The following RAD51B variants were observed in gnomAD, a reference collection of about 807,000 sequenced individuals.
RAD51B encodes DNA repair protein RAD51 homolog 2.
In RAD51B, 38 loss-of-function variants were observed where a neutral mutation model predicts 42.2. The observed-to-expected ratio is 0.90, with a 90% CI of 0.70 to 1.18. RAD51B has a LOEUF of 1.18. Ranked by LOEUF, RAD51B falls within the 50% of genes most tolerant of loss-of-function variation. The pLI is 0.00. For missense variants in RAD51B, 373 were observed against 400.7 expected (o/e 0.93, Z 0.59); for synonymous variants, 154 against 145.2 (o/e 1.06, Z -0.43).
intron 7 of RAD51B, among the ~76,000 whole-genome samples, chr14:68,206,875 C>T (rs941731698): frequency 4.0e-5 from 6 of 151,670 alleles, no homozygotes; most frequent in African/African-American, 9.7e-5. Flanking sequence ...CTGCAAGCCC[C>T]GCCTCCCGGG....
rs138102491 is a variant in RAD51B, at chr14:68,390,272, G to A, written c.854-21152G>A. ...TGAGTAGTGGAAAAATCTACGCCTC[G>A]AAGTTCTGGTCATTTATTTTAAAAG... On this transcript the variant is annotated intron_variant, in intron 8 of 10. Transcript: ENST00000471583. Among the ~76,000 whole-genome samples the A allele has an allele frequency of 6.9e-4, 105 of 152,278 alleles. 2 individuals are homozygous for A. Among genetic ancestry groups the A allele is most frequent in the East Asian group, 4.8e-3 (25 of 5,188 alleles).
At chr14:67,931,025 A>C (rs1030833935) in intron 7 of RAD51B, among the ~76,000 whole-genome samples, 1 of 151,206 alleles carries the variant, frequency 6.6e-6, no homozygotes, top group Non-Finnish European at 1.5e-5. Context: ...CATTCATGCC[A>C]TTCTCCTGCC....
At chr14:68,206,555 A>C (rs887491102) in intron 7 of RAD51B, among the ~76,000 whole-genome samples, 1 of 152,056 alleles carries the variant, frequency 6.6e-6, no homozygotes, top group Non-Finnish European at 1.5e-5. Context: ...ATCTCTTACC[A>C]GTTTGTACTG....
At chr14:68,370,766 C>T (rs774167544) in intron 8 of RAD51B, among the ~76,000 whole-genome samples, 5 of 152,006 alleles carry the variant, frequency 3.3e-5, no homozygotes, top group Non-Finnish European at 5.9e-5. Flanking sequence ...AAGAATTGGC[C>T]GGGCGCAGTG....
intron 7 of RAD51B, among the ~76,000 whole-genome samples, chr14:68,149,312 C>T (rs1233616899): frequency 6.6e-6 from 1 of 151,974 alleles, no homozygotes; most frequent in Non-Finnish European, 1.5e-5. Flanking sequence ...ATGTTATCGT[C>T]TGGAATTTTT....
At chr14:67,936,008 G>A (rs2140168647) in intron 7 of RAD51B, among the ~76,000 whole-genome samples, 1 of 152,148 alleles carries the variant, frequency 6.6e-6, no homozygotes, top group East Asian at 1.9e-4. Context: ...TTTATTAATA[G>A]ACCTTTTTAG....
intron 7 of RAD51B, among the ~76,000 whole-genome samples, chr14:68,057,592 A>G (rs1185891724): frequency 3.3e-5 from 5 of 152,170 alleles, no homozygotes; most frequent in Non-Finnish European, 5.9e-5. Flanking sequence ...CATTTGAAAG[A>G]TAACAGAATT....
intron 4 of RAD51B, among the ~76,000 whole-genome samples, chr14:67,837,291 G>A (rs901018513): frequency 5.3e-5 from 8 of 152,088 alleles, no homozygotes; most frequent in African/African-American, 1.9e-4. Context: ...GTTTATTACA[G>A]TGTGATCCAC....
intron 7 of RAD51B, among the ~76,000 whole-genome samples, chr14:68,272,125 C>T (rs149439365): frequency 1.5e-3 from 234 of 152,258 alleles, no homozygotes; most frequent in African/African-American, 5.3e-3. Flanking sequence ...TTCTTCACCA[C>T]GTGATCACTG....
intron 7 of RAD51B, among the ~76,000 whole-genome samples, chr14:68,034,603 A>AAC (rs2140378052): frequency 6.6e-6 from 1 of 152,288 alleles, no homozygotes; most frequent in Admixed American, 6.5e-5. Context: ...AAGAATGTTG[A>AAC]AAAGATAGTT....
intron 7 of RAD51B, among the ~76,000 whole-genome samples, chr14:67,921,070 C>G (rs572295381): frequency 1.1e-4 from 17 of 152,262 alleles, no homozygotes; most frequent in African/African-American, 4.1e-4. Flanking sequence ...TCTCCTGGAA[C>G]AGTATTTCTC....
intron 5 of RAD51B, among the ~76,000 whole-genome samples, chr14:67,882,061 C>A (rs2042923962): frequency 6.6e-6 from 1 of 152,166 alleles, no homozygotes; most frequent in Admixed American, 6.5e-5. Flanking sequence ...CAGCTTTGAC[C>A]CCTCAGACTC....
chr14:68,055,967 G>A (rs896190808), intron 7 of RAD51B, among the ~76,000 whole-genome samples: 5 of 152,142 alleles, frequency 3.3e-5, no homozygotes, highest in African/African-American at 1.2e-4. Context: ...TTTAGTGTCT[G>A]TCCTTGTTTT....
intron 7 of RAD51B, among the ~76,000 whole-genome samples, chr14:67,995,962 A>ATTCATTCAATTTATTCATT (rs1489898778): frequency 6.6e-6 from 1 of 152,134 alleles, no homozygotes; most frequent in Non-Finnish European, 1.5e-5. Context: ...CATTACTGGT[A>ATTCATTCAATTTATTCATT]CAATTTATTC....
intron 7 of RAD51B, among the ~76,000 whole-genome samples, chr14:67,935,622 C>T (rs1156875516): frequency 6.6e-5 from 10 of 152,182 alleles, no homozygotes; most frequent in Non-Finnish European, 1.5e-4. Context: ...CTGCTTTGGC[C>T]TCCCAAAGTG....
At chr14:67,848,642 T>G (rs1314068675) in intron 4 of RAD51B, among the ~76,000 whole-genome samples, 2 of 152,146 alleles carry the variant, frequency 1.3e-5, no homozygotes, top group African/African-American at 4.8e-5. Flanking sequence ...TGGCTGGTTG[T>G]TATGTAGACT....
chr14:68,417,404 T>C (rs2084588532), intron 9 of RAD51B, among the ~76,000 whole-genome samples: 1 of 152,200 alleles, frequency 6.6e-6, no homozygotes, highest in African/African-American at 2.4e-5. Flanking sequence ...GTACATTATC[T>C]TGGGTATAAA....
chr14:68,197,524 TG>T (rs1456060247), intron 7 of RAD51B, among the ~76,000 whole-genome samples: 4 of 152,152 alleles, frequency 2.6e-5, no homozygotes, highest in African/African-American at 9.7e-5. Flanking sequence ...TTGAAATTGG[TG>T]GGTCAGAGGA....
intron 9 of RAD51B, among the ~76,000 whole-genome samples, chr14:68,452,896 G>A (rs112251729): frequency 0.16 from 23,926 of 152,104 alleles, 2,488 homozygotes; most frequent in Non-Finnish European, 0.23. Context: ...TGCTTGACCA[G>A]ATCTAAGGTG....
Sources: gnomAD v4.1 joint callset for allele counts (sites outside exome capture counted in the v4.1 genomes callset) on GRCh38, gnomAD v4.1.1 for gene constraint, MANE v1.5 for transcripts, NCBI Gene and HGNC (gene_info 2026-07-23, HGNC 2026-07-21) for gene names.